HS3ST3A1: variants seen among roughly 807,000 people sequenced by gnomAD.
HS3ST3A1 encodes the protein heparan sulfate glucosamine 3-O-sulfotransferase 3A1.
In HS3ST3A1, 19 loss-of-function variants were observed where a neutral mutation model predicts 25.7. The observed-to-expected ratio is 0.74, with a 90% confidence interval of 0.52 to 1.08. The LOEUF (loss-of-function observed/expected upper bound fraction) is 1.08, where lower values mean the gene tolerates loss of function less well. Ranked by LOEUF, HS3ST3A1 falls within the 50% of genes least tolerant of loss-of-function variation. The pLI is 0.00. For missense variants in HS3ST3A1, 459 were observed against 594.3 expected, an observed-to-expected ratio of 0.77 and a Z score of 2.37; for synonymous variants, 226 against 278.6, an observed-to-expected ratio of 0.81 and a Z score of 1.88.
At position 13,551,066 on chromosome 17, in the gene HS3ST3A1, C is replaced by CAA. The variant is rs3080921; in HGVS notation, c.599+49463_599+49464dup. On this transcript the variant is annotated intron_variant, in intron 1 of 1. Transcript: ENST00000284110. ...TGGGCGACAGAGCGAGACTCTGTCT[C>CAA]AAAAAAAAAAAAAAAATGAAATCAA... is the stretch of plus-strand genomic sequence containing the variant. Among the ~76,000 whole-genome samples the CAA allele has an allele frequency of 5.9e-3, 732 of 123,912 alleles. 20 individuals are homozygous for CAA. Among genetic ancestry groups the CAA allele is most frequent in the South Asian group, 0.017 (63 of 3,762 alleles). 81.3% of individuals were successfully genotyped at this position (123,912 alleles called of 152,430 possible). A position where few individuals can be genotyped will look rare whatever the true frequency, so the allele number is the denominator to read the frequency against.
chr17:13,510,840 G>A (rs912061215), intron 1 of HS3ST3A1, among the ~76,000 whole-genome samples: 1 of 152,170 alleles, frequency 6.6e-6, no homozygotes, highest in Non-Finnish European at 1.5e-5. Flanking sequence ...GCGTAGCTGG[G>A]ATTACAGGCA....
At chr17:13,499,099 A>C (rs1905376175) in intron 1 of HS3ST3A1, among the ~76,000 whole-genome samples, 10 of 152,136 alleles carry the variant, frequency 6.6e-5, no homozygotes. Flanking sequence ...CTCATTACCC[A>C]CCTCTTAGGC....
intron 1 of HS3ST3A1, among the ~76,000 whole-genome samples, chr17:13,563,250 G>T (rs993312015): frequency 2.6e-5 from 4 of 151,932 alleles, no homozygotes; most frequent in Non-Finnish European, 5.9e-5. Flanking sequence ...ATCAATTTAG[G>T]TTGGTCAGGG....
At chr17:13,508,374 G>A (rs79191331) in intron 1 of HS3ST3A1, among the ~76,000 whole-genome samples, 7,023 of 152,216 alleles carry the variant, frequency 0.046, 339 homozygotes, top group African/African-American at 0.12. Flanking sequence ...AAAAGATAAC[G>A]AATCCATCTG....
chr17:13,550,489 G>C (rs1354093860), intron 1 of HS3ST3A1, among the ~76,000 whole-genome samples: 1 of 152,122 alleles, frequency 6.6e-6, no homozygotes, highest in Admixed American at 6.6e-5. Flanking sequence ...GCCCCTGAGC[G>C]ATCTTAGAAG....
rs553401024 is a variant in HS3ST3A1, at chr17:13,530,254, C to G, written c.600-33436G>C. Among the ~76,000 whole-genome samples, 23 of 152,304 alleles carry G rather than the reference C, an allele frequency of 1.5e-4. No individual in the cohort carries two copies. The Middle Eastern group carries it at 0.01, about 68-fold the overall frequency. On this transcript the variant is annotated intron_variant, in intron 1 of 1. Transcript: ENST00000284110. ...GAGGAAATTGCAAGGATCATTATCA[C>G]TAATCATTTGAGGTATAAATGATGT...
intron 1 of HS3ST3A1, among the ~76,000 whole-genome samples, chr17:13,557,411 A>T (rs1218333719): frequency 6.6e-6 from 1 of 152,028 alleles, no homozygotes; most frequent in Non-Finnish European, 1.5e-5. Context: ...AAAGAGAAAG[A>T]GACAACAAAG....
intron 1 of HS3ST3A1, among the ~76,000 whole-genome samples, chr17:13,518,753 C>A (rs1181706055): frequency 6.6e-6 from 1 of 152,102 alleles, no homozygotes; most frequent in South Asian, 2.1e-4. Flanking sequence ...TTCAGTTATC[C>A]CAGGAAAGCC....
In HS3ST3A1 at chr17:13,575,997, G is replaced by A. The variant is rs145637446; in HGVS notation, c.599+24534C>T. On this transcript the variant is annotated intron_variant, in intron 1 of 1. Coordinates refer to ENST00000284110, the MANE Select transcript of HS3ST3A1 (RefSeq NM_006042.3). ...AAGCTTGTTAGAAATGCAAATGCTCGGGCCTCATGTTAAGCCTACTGCATT... is the reference window on the plus strand; with the variant it reads ...AAGCTTGTTAGAAATGCAAATGCTCAGGCCTCATGTTAAGCCTACTGCATT... 6.6e-4 allele frequency among the ~76,000 whole-genome samples: 101 copies of A among 152,308 alleles called. 1 individual carries two copies. The highest frequency in any genetic ancestry group is 2.2e-3 in the African/African-American group (92 of 41,570).
intron 1 of HS3ST3A1, among the ~76,000 whole-genome samples, chr17:13,579,288 C>T (rs1179680891): frequency 1.3e-5 from 2 of 152,114 alleles, no homozygotes; most frequent in African/African-American, 2.4e-5. Flanking sequence ...GTATTCTAAA[C>T]TCTTACTCAA....
chr17:13,546,358 C>T (rs187599433), intron 1 of HS3ST3A1, among the ~76,000 whole-genome samples: 1 of 152,206 alleles, frequency 6.6e-6, no homozygotes, highest in African/African-American at 2.4e-5. Flanking sequence ...CTCTGCCTCC[C>T]AGGTTCAAGA....
chr17:13,588,854 T>C (rs1004253415), intron 1 of HS3ST3A1, among the ~76,000 whole-genome samples: 44 of 152,270 alleles, frequency 2.9e-4, no homozygotes, highest in Admixed American at 7.8e-4. Flanking sequence ...CAGCTAATTT[T>C]TTTGTATTTT....
In HS3ST3A1 at chr17:13,601,100, G is replaced by C. The variant is rs149492247; in HGVS notation, c.30C>G (p.Leu10=). The C allele has an allele frequency of 1.3e-4, 205 of 1,587,632 alleles. 1 individual carries two copies. In the African/African-American group the frequency reaches 2.3e-3, roughly 18 times the overall value. The change falls in exon 1 of 2, where the codon CTC becomes CTG. Residue 10 remains leucine, a synonymous_variant. Transcript: ENST00000284110. ...GGGACAGCGGCTCGGCCGAGGTGGA[G>C]AGGGCACTGGCCGGGCCCGGAGGGG... MAPPGPASA[L]STSAEPLSRS... is the part of the protein sequence containing the mutation.
rs75725121 is a variant in HS3ST3A1, at chr17:13,521,326, G to C, written c.600-24508C>G. Reference sequence around the variant, plus strand: ...GTCAGCCCTTCCAAAATGTAGTCTTGATCTTGGGAAAAGAAGTAATTAGCC... The same window carrying C: ...GTCAGCCCTTCCAAAATGTAGTCTTCATCTTGGGAAAAGAAGTAATTAGCC... On this transcript the variant is annotated intron_variant, in intron 1 of 1. Transcript: ENST00000284110. Among the ~76,000 whole-genome samples, 118 of 152,318 alleles carry C rather than the reference G, an allele frequency of 7.7e-4. No individual in the cohort carries two copies. In the East Asian group the frequency reaches 0.015, roughly 20 times the overall value.
intron 1 of HS3ST3A1, among the ~76,000 whole-genome samples, chr17:13,497,307 T>C (rs900733569): frequency 2.0e-5 from 3 of 152,238 alleles, no homozygotes; most frequent in Admixed American, 1.3e-4. Flanking sequence ...AAAATACTTA[T>C]GTTTGTAATT....
chr17:13,585,433 C>G (rs1439561370), intron 1 of HS3ST3A1, among the ~76,000 whole-genome samples: 2 of 151,428 alleles, frequency 1.3e-5, no homozygotes, highest in Admixed American at 6.6e-5. Context: ...CTCCTGACCT[C>G]AGGTGATCCA....
chr17:13,540,083 C>T (rs1228025803), intron 1 of HS3ST3A1, among the ~76,000 whole-genome samples: 2 of 152,202 alleles, frequency 1.3e-5, no homozygotes, highest in African/African-American at 2.4e-5. Context: ...AAAGTAGTCC[C>T]TTGGGATCCA....
intron 1 of HS3ST3A1, among the ~76,000 whole-genome samples, chr17:13,555,527 T>C (rs988579439): frequency 2.0e-5 from 3 of 152,128 alleles, no homozygotes; most frequent in African/African-American, 7.2e-5. Context: ...GAGGGCCCCT[T>C]AGAGTGGAAG....
chr17:13,523,448 A>G (rs1906312202), intron 1 of HS3ST3A1, among the ~76,000 whole-genome samples: 1 of 152,212 alleles, frequency 6.6e-6, no homozygotes, highest in Admixed American at 6.5e-5. Context: ...GAGGAAACGA[A>G]AAGGATGCAG....
Sources: allele counts gnomAD v4.1 joint callset (sites outside exome capture counted in the v4.1 genomes callset), GRCh38; gene constraint gnomAD v4.1.1; transcripts MANE v1.5; gene names NCBI Gene and HGNC (gene_info 2026-07-23, HGNC 2026-07-21).